The following RGS6 variants were observed in gnomAD, a reference collection of about 807,000 sequenced individuals.
The protein encoded by RGS6 is regulator of G protein signaling 6, also known as regulator of G-protein signaling 6.
RGS6 carries 30 observed loss-of-function variants against 78.5 expected under a neutral mutation model. That is an observed-to-expected ratio of 0.38 (90% CI 0.29 to 0.52). RGS6 has a LOEUF of 0.52. Ranked by LOEUF, RGS6 falls within the 20% of genes least tolerant of loss-of-function variation. RGS6 has a pLI of 0.85. For missense variants in RGS6, 495 were observed against 609.7 expected (o/e 0.81, Z 1.98); for synonymous variants, 206 against 206.0 (o/e 1.00, Z 0.00).
chr14:72,267,851 C>T (rs561316666), intron 2 of RGS6, among the ~76,000 whole-genome samples: 1 of 152,322 alleles, frequency 6.6e-6, no homozygotes, highest in South Asian at 2.1e-4. Context: ...TTTGTCCTCA[C>T]AGCCAATTAA....
At chr14:71,917,747 A>T in the RGS6 span, among the ~76,000 whole-genome samples, 10 of 152,206 alleles carry the variant, frequency 6.6e-5, no homozygotes, top group Non-Finnish European at 4.4e-5. Context: ...TCCAGGGGTC[A>T]TCTTTCGGTA....
chr14:71,932,192 C>G (rs1038095401), upstream of RGS6, among the ~76,000 whole-genome samples: 1 of 152,180 alleles, frequency 6.6e-6, no homozygotes, highest in Non-Finnish European at 1.5e-5. Context: ...TTCTCCTCCT[C>G]GAGCAAATCA....
chr14:72,460,933 A>G (rs1250909408), intron 6 of RGS6, among the ~76,000 whole-genome samples: 1 of 151,962 alleles, frequency 6.6e-6, no homozygotes, highest in Non-Finnish European at 1.5e-5. Flanking sequence ...AGTTGTACCT[A>G]CTAAGGCTGG....
At chr14:72,493,812 A>G (rs189595647) in intron 12 of RGS6, among the ~76,000 whole-genome samples, 46 of 152,338 alleles carry the variant, frequency 3.0e-4, no homozygotes, top group African/African-American at 9.9e-4. Flanking sequence ...TCTAAAGGAA[A>G]GAGATTTTTC....
At chr14:72,148,323 A>G (rs1018792469) in intron 2 of RGS6, among the ~76,000 whole-genome samples, 4 of 151,730 alleles carry the variant, frequency 2.6e-5, no homozygotes, top group African/African-American at 9.7e-5. Flanking sequence ...ACTTGTGTCC[A>G]TGAGTTCGAG....
chr14:72,236,356 G>T (rs558985389), intron 2 of RGS6, among the ~76,000 whole-genome samples: 1 of 152,036 alleles, frequency 6.6e-6, no homozygotes, highest in Admixed American at 6.6e-5. Context: ...CCACTAAACA[G>T]TTCAGCATGC....
intron 2 of RGS6, among the ~76,000 whole-genome samples, chr14:71,996,411 C>T (rs1290613074): frequency 6.6e-6 from 1 of 152,080 alleles, no homozygotes; most frequent in East Asian, 1.9e-4. Context: ...AGACACAGTC[C>T]TGCCTGTAAG....
intron 2 of RGS6, among the ~76,000 whole-genome samples, chr14:72,154,174 C>T (rs1036117304): frequency 6.6e-6 from 1 of 152,192 alleles, no homozygotes; most frequent in Non-Finnish European, 1.5e-5. Flanking sequence ...AAAAATATGT[C>T]TCTTTTTGCC....
chr14:71,960,085 A>G (rs1225631773), intron 1 of RGS6, among the ~76,000 whole-genome samples: 1 of 152,202 alleles, frequency 6.6e-6, no homozygotes, highest in African/African-American at 2.4e-5. Flanking sequence ...AGGGGCTGGC[A>G]TTATAAAGTA....
At chr14:72,426,130 G>C (rs1412584624) in intron 3 of RGS6, among the ~76,000 whole-genome samples, 2 of 152,080 alleles carry the variant, frequency 1.3e-5, no homozygotes, top group African/African-American at 4.8e-5. Context: ...GTATGTTTAT[G>C]TTGAACTTAC....
chr14:71,914,336 G>T, the RGS6 span, among the ~76,000 whole-genome samples: 1 of 152,274 alleles, frequency 6.6e-6, no homozygotes, highest in Admixed American at 6.5e-5. Flanking sequence ...TGGAAATGAG[G>T]TTGCTTTGGT....
At chr14:72,185,981 C>T (rs918246164) in intron 2 of RGS6, among the ~76,000 whole-genome samples, 1 of 152,216 alleles carries the variant, frequency 6.6e-6, no homozygotes, top group Non-Finnish European at 1.5e-5. Context: ...CAACCACTTT[C>T]CTAACAAGTC....
At chr14:72,356,023 C>T (rs1164907688) in intron 3 of RGS6, among the ~76,000 whole-genome samples, 1 of 152,200 alleles carries the variant, frequency 6.6e-6, no homozygotes, top group African/African-American at 2.4e-5. Context: ...GCCTGACATG[C>T]TCTGACTTAC....
intron 3 of RGS6, among the ~76,000 whole-genome samples, chr14:72,409,955 G>A (rs2093278504): frequency 1.3e-5 from 2 of 152,098 alleles, no homozygotes. Context: ...TCTTAATCCA[G>A]TCTATCATTG....
chr14:72,047,348 A>G (rs2092927803), intron 2 of RGS6, among the ~76,000 whole-genome samples: 1 of 152,176 alleles, frequency 6.6e-6, no homozygotes, highest in African/African-American at 2.4e-5. Context: ...AGGGCTTTTT[A>G]TGTGTTAGTT....
At chr14:72,488,337 C>T (rs2096527165) in intron 12 of RGS6, among the ~76,000 whole-genome samples, 2 of 152,206 alleles carry the variant, frequency 1.3e-5, no homozygotes, top group Admixed American at 1.3e-4. Context: ...ATGGCACAAG[C>T]TCCCAGGAAC....
chr14:72,022,890 G>A (rs530925483), intron 2 of RGS6, among the ~76,000 whole-genome samples: 78 of 152,196 alleles, frequency 5.1e-4, no homozygotes, highest in Non-Finnish European at 9.6e-4. Context: ...TATCATGGAG[G>A]TAAACACAGC....
chr14:72,052,515 G>A (rs922609965), intron 2 of RGS6, among the ~76,000 whole-genome samples: 1 of 152,144 alleles, frequency 6.6e-6, no homozygotes. Flanking sequence ...CTTGTTTCCA[G>A]ATGGTAGACA....
At chr14:72,544,601 G>C (rs530603522) in intron 17 of RGS6, among the ~76,000 whole-genome samples, 1 of 152,300 alleles carries the variant, frequency 6.6e-6, no homozygotes, top group South Asian at 2.1e-4. Flanking sequence ...GGCAGGAAGG[G>C]CCGGAAGCTG....
Sources: allele counts gnomAD v4.1 joint callset (sites outside exome capture counted in the v4.1 genomes callset), GRCh38; gene constraint gnomAD v4.1.1; transcripts MANE v1.5; gene names NCBI Gene and HGNC (gene_info 2026-07-23, HGNC 2026-07-21).